GPC6: variants seen among roughly 807,000 people sequenced by gnomAD.
GPC6 encodes the protein glypican 6.
In GPC6, 14 loss-of-function variants were observed where a neutral mutation model predicts 55.2. The observed-to-expected ratio is 0.25, with a 90% CI of 0.17 to 0.40. The LOEUF is 0.40. Among genes scored for constraint, GPC6 ranks in the 10% least tolerant of loss-of-function variants. The pLI is 1.00. For missense variants in GPC6, 641 were observed against 708.5 expected (o/e 0.90, Z 1.08); for synonymous variants, 278 against 259.6 (o/e 1.07, Z -0.68).
chr13:93,893,273 G>A (rs1273246736), intron 3 of GPC6, among the ~76,000 whole-genome samples: 5 of 152,016 alleles, frequency 3.3e-5, no homozygotes, highest in South Asian at 2.1e-4. Flanking sequence ...TGGCCAGGCT[G>A]CCCTCAAACT....
intron 1 of GPC6, among the ~76,000 whole-genome samples, chr13:93,501,459 T>C (rs7139968): frequency 0.87 from 131,940 of 152,104 alleles, 57,776 homozygotes; most frequent in Non-Finnish European, 0.92. Context: ...AAATTTTCTA[T>C]GAAATCTTCC....
intron 2 of GPC6, among the ~76,000 whole-genome samples, chr13:93,755,804 A>C (rs149712945): frequency 6.6e-6 from 1 of 152,306 alleles, no homozygotes; most frequent in East Asian, 1.9e-4. Flanking sequence ...ATAAAAATAG[A>C]GTCTATGACA....
chr13:93,374,179 C>T (rs1874789391), intron 1 of GPC6, among the ~76,000 whole-genome samples: 1 of 152,178 alleles, frequency 6.6e-6, no homozygotes, highest in Non-Finnish European at 1.5e-5. Context: ...CAGTAACACA[C>T]AGAATCGGGG....
At chr13:94,166,421 C>A (rs1888373737) in intron 4 of GPC6, among the ~76,000 whole-genome samples, 1 of 152,172 alleles carries the variant, frequency 6.6e-6, no homozygotes, top group Non-Finnish European at 1.5e-5. Flanking sequence ...TCGTTGCAAA[C>A]CCATTCATGT....
At chr13:94,067,777 A>G (rs1321934531) in intron 4 of GPC6, among the ~76,000 whole-genome samples, 1 of 152,216 alleles carries the variant, frequency 6.6e-6, no homozygotes, top group Non-Finnish European at 1.5e-5. Flanking sequence ...GCAACAGCAG[A>G]TATGAATCAG....
At chr13:94,302,467 T>C (rs528473844) in intron 5 of GPC6, among the ~76,000 whole-genome samples, 3 of 152,374 alleles carry the variant, frequency 2.0e-5, no homozygotes, top group Non-Finnish European at 2.9e-5. Context: ...TTTCAACTTA[T>C]GAATTCTTGG....
intron 1 of GPC6, among the ~76,000 whole-genome samples, chr13:93,407,244 T>C (rs1323979): frequency 0.052 from 7,988 of 152,218 alleles, 310 homozygotes; most frequent in Non-Finnish European, 0.078. Flanking sequence ...TGTGTAGGTA[T>C]ACATATGTAT....
At chr13:94,171,240 A>G (rs1888559147) in intron 4 of GPC6, among the ~76,000 whole-genome samples, 1 of 152,178 alleles carries the variant, frequency 6.6e-6, no homozygotes, top group South Asian at 2.1e-4. Context: ...GTAAGACTGA[A>G]TTTCTCATCC....
intron 1 of GPC6, among the ~76,000 whole-genome samples, chr13:93,535,747 G>T (rs1882038411): frequency 1.3e-5 from 2 of 149,668 alleles, no homozygotes; most frequent in Admixed American, 1.3e-4. Context: ...ATTCATAATT[G>T]TCAGAATTTT....
chr13:93,951,045 C>T (rs558073919), intron 3 of GPC6, among the ~76,000 whole-genome samples: 7 of 152,158 alleles, frequency 4.6e-5, no homozygotes, highest in African/African-American at 1.7e-4. Context: ...CAAAAAATTT[C>T]ACAAATAATA....
rs56292041 is a variant in GPC6, at chr13:94,158,380, T to TAA, written c.878-127957_878-127956dup. Among the ~76,000 whole-genome samples the TAA allele has an allele frequency of 8.4e-3, 1,234 of 146,828 alleles. 12 individuals carry two copies. The highest frequency in any genetic ancestry group is 0.023 in the African/African-American group (925 of 40,080). ...TCTTGTACATATTTTGATGATGCTTTAAAAAAAAAAAAAGACTAATCTGAG... is the reference window on the plus strand; with the variant it reads ...TCTTGTACATATTTTGATGATGCTTTAAAAAAAAAAAAAAAGACTAATCTGAG... On this transcript the variant is annotated intron_variant, in intron 4 of 8. Transcript: ENST00000377047.
intron 3 of GPC6, among the ~76,000 whole-genome samples, chr13:94,016,832 A>G (rs1034146742): frequency 6.7e-6 from 1 of 148,836 alleles, no homozygotes; most frequent in Admixed American, 6.7e-5. Context: ...CTAATGAAAC[A>G]GTTTTCTTTT....
intron 1 of GPC6, among the ~76,000 whole-genome samples, chr13:93,444,554 C>G (rs1040356271): frequency 6.6e-6 from 1 of 152,184 alleles, no homozygotes; most frequent in African/African-American, 2.4e-5. Flanking sequence ...TTGCAGTAAG[C>G]TGAGATCGCG....
At chr13:93,800,351 G>C (rs151069004) in intron 2 of GPC6, among the ~76,000 whole-genome samples, 2 of 152,266 alleles carry the variant, frequency 1.3e-5, no homozygotes, top group East Asian at 3.9e-4. Context: ...TAGAGTGAAT[G>C]TGCTCGTCAG....
intron 1 of GPC6, among the ~76,000 whole-genome samples, chr13:93,308,130 A>G (rs1030194175): frequency 6.6e-6 from 1 of 151,908 alleles, no homozygotes; most frequent in African/African-American, 2.4e-5. Context: ...TAAAAATACA[A>G]AAAAATTAGC....
At chr13:94,087,746 C>T (rs1885338699) in intron 4 of GPC6, among the ~76,000 whole-genome samples, 1 of 152,194 alleles carries the variant, frequency 6.6e-6, no homozygotes, top group Non-Finnish European at 1.5e-5. Context: ...ATGAATGAGA[C>T]ATGTTCCACA....
At chr13:93,519,395 AT>A (rs1881323261) in intron 1 of GPC6, among the ~76,000 whole-genome samples, 1 of 152,068 alleles carries the variant, frequency 6.6e-6, no homozygotes, top group African/African-American at 2.4e-5. Flanking sequence ...ATTTCCACAC[AT>A]TAGCAATGTA....
chr13:93,316,025 C>T (rs995730736), intron 1 of GPC6, among the ~76,000 whole-genome samples: 1 of 151,976 alleles, frequency 6.6e-6, no homozygotes, highest in Non-Finnish European at 1.5e-5. Flanking sequence ...GGGTGTTCTC[C>T]TGTATATACT....
chr13:93,624,534 G>A (rs1441559427), intron 2 of GPC6, among the ~76,000 whole-genome samples: 1 of 152,194 alleles, frequency 6.6e-6, no homozygotes, highest in Non-Finnish European at 1.5e-5. Flanking sequence ...ATAAAAACCA[G>A]CATCCTTGTG....
Sources: gnomAD v4.1 joint callset for allele counts (sites outside exome capture counted in the v4.1 genomes callset) on GRCh38, gnomAD v4.1.1 for gene constraint, MANE v1.5 for transcripts, NCBI Gene and HGNC (gene_info 2026-07-23, HGNC 2026-07-21) for gene names.